Variants in SAMTOR observed in about 807,000 individuals in gnomAD.
SAMTOR encodes S-adenosylmethionine sensor upstream of mTORC1.
At chr7:112,851,974 A>G in the SAMTOR span, among the ~76,000 whole-genome samples, 14 of 152,324 alleles carry the variant, frequency 9.2e-5, no homozygotes, top group African/African-American at 3.4e-4. Flanking sequence ...CCATTATTAA[A>G]AAGTCAAATA....
chr7:112,928,318 C>A, the SAMTOR span, among the ~76,000 whole-genome samples: 1 of 151,938 alleles, frequency 6.6e-6, no homozygotes, highest in Non-Finnish European at 1.5e-5. Context: ...TCTGGTACAG[C>A]ATTTTTTTTC....
chr7:112,939,307 A>C, the SAMTOR span: 1 of 493,478 alleles, frequency 2.0e-6, no homozygotes, highest in Non-Finnish European at 3.6e-6. Flanking sequence ...CCGAGACAAC[A>C]ACCTCAGCAC....
chr7:112,852,435 A>C, the SAMTOR span, among the ~76,000 whole-genome samples: 1 of 152,052 alleles, frequency 6.6e-6, no homozygotes, highest in Non-Finnish European at 1.5e-5. Context: ...TCAATGTGGC[A>C]AACAGAGTGA....
At chr7:112,839,834 T>C in the SAMTOR span, among the ~76,000 whole-genome samples, 1 of 151,820 alleles carries the variant, frequency 6.6e-6, no homozygotes, top group African/African-American at 2.4e-5. Flanking sequence ...AAATTAAAAA[T>C]TGTTATATTT....
the SAMTOR span, among the ~76,000 whole-genome samples, chr7:112,888,600 T>C: frequency 6.6e-6 from 1 of 152,102 alleles, no homozygotes; most frequent in Admixed American, 6.5e-5. Context: ...ACTCCAGTAG[T>C]AACAAAAATT....
At chr7:112,868,388 C>T in the SAMTOR span, among the ~76,000 whole-genome samples, 1 of 152,200 alleles carries the variant, frequency 6.6e-6, no homozygotes, top group Admixed American at 6.5e-5. Context: ...AGCCAGCAAT[C>T]CTCGTGAAGG....
chr7:112,879,368 G>A, the SAMTOR span, among the ~76,000 whole-genome samples: 4 of 151,992 alleles, frequency 2.6e-5, no homozygotes, highest in East Asian at 7.8e-4. Flanking sequence ...GAGACACAGA[G>A]AAAGGGAAAA....
the SAMTOR span, among the ~76,000 whole-genome samples, chr7:112,906,141 G>A: frequency 1.1e-4 from 16 of 152,262 alleles, no homozygotes; most frequent in Admixed American, 2.6e-4. Context: ...GTCCCAAGAA[G>A]TGCATCATTA....
chr7:112,911,812 C>A, the SAMTOR span, among the ~76,000 whole-genome samples: 30 of 151,586 alleles, frequency 2.0e-4, no homozygotes, highest in African/African-American at 6.8e-4. Context: ...GATAAAAAAG[C>A]CAAGAAAGAA....
At chr7:112,909,070 A>G in the SAMTOR span, among the ~76,000 whole-genome samples, 2 of 152,258 alleles carry the variant, frequency 1.3e-5, no homozygotes, top group South Asian at 4.1e-4. Flanking sequence ...CCAGTTCTAG[A>G]AAGTTCACTG....
the SAMTOR span, among the ~76,000 whole-genome samples, chr7:112,868,391 C>T: frequency 2.0e-5 from 3 of 152,196 alleles, no homozygotes; most frequent in Admixed American, 1.3e-4. Context: ...CAGCAATCCT[C>T]GTGAAGGTGT....
At chr7:112,861,057 C>T in the SAMTOR span, among the ~76,000 whole-genome samples, 1 of 151,852 alleles carries the variant, frequency 6.6e-6, no homozygotes, top group East Asian at 1.9e-4. Context: ...AACGTAAATA[C>T]AGATTTACAT....
chr7:112,827,735 T>C, the SAMTOR span, among the ~76,000 whole-genome samples: 1 of 152,224 alleles, frequency 6.6e-6, no homozygotes, highest in African/African-American at 2.4e-5. Context: ...TTATTTTTAT[T>C]TATTGAGACA....
chr7:112,921,845 C>A, the SAMTOR span, among the ~76,000 whole-genome samples: 1 of 146,246 alleles, frequency 6.8e-6, no homozygotes, highest in African/African-American at 2.6e-5. Flanking sequence ...AAAATGCTCA[C>A]CATCACTGGC....
chr7:112,869,856 T>G, the SAMTOR span, among the ~76,000 whole-genome samples: 12 of 152,136 alleles, frequency 7.9e-5, no homozygotes, highest in Non-Finnish European at 1.5e-4. Context: ...TATAACCATA[T>G]TAAGAAAGAA....
chr7:112,923,901 G>A, the SAMTOR span, among the ~76,000 whole-genome samples: 4 of 152,160 alleles, frequency 2.6e-5, no homozygotes, highest in African/African-American at 9.7e-5. Context: ...TAGGGATATG[G>A]ATGAAACTGG....
chr7:112,874,224 CAA>C, the SAMTOR span, among the ~76,000 whole-genome samples: 9 of 151,962 alleles, frequency 5.9e-5, no homozygotes, highest in Middle Eastern at 3.2e-3. Flanking sequence ...TAAAAAATAC[CAA>C]AAAGACAGCT....
chr7:112,894,635 T>G, the SAMTOR span, among the ~76,000 whole-genome samples: 1 of 152,052 alleles, frequency 6.6e-6, no homozygotes, highest in Non-Finnish European at 1.5e-5. Context: ...AAGGGGAAAC[T>G]CCTTATAAAA....
At chr7:112,866,487 A>G in the SAMTOR span, among the ~76,000 whole-genome samples, 1 of 152,332 alleles carries the variant, frequency 6.6e-6, no homozygotes, top group East Asian at 1.9e-4. Context: ...ACCCACAGCT[A>G]GGTAATCTCC....
Sources: allele counts gnomAD v4.1 joint callset (sites outside exome capture counted in the v4.1 genomes callset), GRCh38; gene constraint gnomAD v4.1.1; transcripts MANE v1.5; gene names NCBI Gene and HGNC (gene_info 2026-07-23, HGNC 2026-07-21).